The following ZNF532 variants were observed in gnomAD, a reference collection of about 807,000 sequenced individuals.
ZNF532 encodes zinc finger protein 532.
ZNF532 carries 22 observed loss-of-function variants against 89.3 expected under a neutral mutation model. The observed-to-expected ratio is 0.25, with a 90% CI of 0.18 to 0.35. The LOEUF is 0.35. Among genes scored for constraint, ZNF532 ranks in the 10% least tolerant of loss-of-function variants. ZNF532 has a pLI of 1.00. For missense variants in ZNF532, 1,132 were observed against 1,643.4 expected, an observed-to-expected ratio of 0.69 and a Z score of 5.38; for synonymous variants, 606 against 649.6, an observed-to-expected ratio of 0.93 and a Z score of 1.02.
At chr18:58,941,324 C>G (rs2063000548) in intron 5 of ZNF532, among the ~76,000 whole-genome samples, 1 of 151,970 alleles carries the variant, frequency 6.6e-6, no homozygotes, top group South Asian at 2.1e-4. Flanking sequence ...ATTTGATTGT[C>G]AGAAATGTGT....
At position 58,984,232 on chromosome 18, in the gene ZNF532, C is replaced by G. The variant is rs767553065; in HGVS notation, c.3672C>G (p.Ile1224Met). ...TCTCTCTGTCCAGGCACCTCTTCAT[C>G]GTACACAAGTTAAAGGAACCTCAGC... is the stretch of plus-strand genomic sequence containing the variant. The part of the protein sequence containing the change: ...SHVSLSRHLF[I>M]VHKLKEPQPV... Residue 1224 changes from isoleucine (I) to methionine (M), a missense_variant, in exon 10 of 10, where the codon ATC becomes ATG. Physicochemically the swap from Ile to Met is conservative, Grantham distance 10. Coordinates refer to ENST00000591808, the MANE Select transcript of ZNF532 (RefSeq NM_001375912.1). 8 of 1,611,962 alleles carry G rather than the reference C, an allele frequency of 5.0e-6. No individual in the cohort carries two copies. The highest frequency in any genetic ancestry group is 5.9e-6 in the Non-Finnish European group (7 of 1,179,830).
Position 58,918,398 on chromosome 18 carries a change from T to G in ZNF532, c.111T>G (p.His37Gln). Residue 37 changes from histidine (H) to glutamine (Q), a missense_variant, in exon 3 of 10, where the codon CAT (histidine) becomes CAG (glutamine). This residue lies in a region of ZNF532 where 302 missense variants were observed against 319.8 expected (regional missense o/e 0.94). Transcript: ENST00000591808. ...KAAIESGHDD[H>Q]ESHMKQNAHG... ...CTATTGAGTCTGGACACGATGACCA[T>G]GAAAGCCACATGAAGCAGAATGCTC... The G allele has an allele frequency of 6.2e-7, 1 of 1,614,174 alleles. No individual in the cohort carries two copies. The highest frequency in any genetic ancestry group is 8.5e-7 in the Non-Finnish European group (1 of 1,180,040).
chr18:58,919,947 G>A lies in ZNF532; in HGVS notation c.1660G>A (p.Ala554Thr). The change falls in exon 3 of 10, where the codon GCA becomes ACA. Residue 554 changes from alanine to threonine, a missense_variant. Physicochemically the swap from Ala to Thr is moderately conservative, Grantham distance 58. Coordinates refer to ENST00000591808, the MANE Select transcript of ZNF532 (RefSeq NM_001375912.1). The surrounding 1 kb of genome is among the most constrained non-coding windows in gnomAD (Gnocchi z 6.1). ...LTKPQQQIKQ[A>T]IINAAASQPP... is the part of the protein sequence containing the mutation. Reference sequence around the variant, plus strand: ...CAAACCTCAGCAACAAATAAAGCAGGCAATAATCAATGCAGCAGCCTCGCA... The same window carrying A: ...CAAACCTCAGCAACAAATAAAGCAGACAATAATCAATGCAGCAGCCTCGCA... 1 of 1,613,898 alleles carries A rather than the reference G, an allele frequency of 6.2e-7. No individual in the cohort carries two copies. Among genetic ancestry groups the A allele is most frequent in the Non-Finnish European group, 8.5e-7 (1 of 1,179,852 alleles).
At chr18:58,951,999 A>AC (rs2064257030) in intron 6 of ZNF532, among the ~76,000 whole-genome samples, 1 of 152,116 alleles carries the variant, frequency 6.6e-6, no homozygotes, top group Non-Finnish European at 1.5e-5. Flanking sequence ...GTTTGGGTAG[A>AC]CCTTGTGACT....
chr18:58,933,684 A>G (rs1457185851), intron 3 of ZNF532, among the ~76,000 whole-genome samples: 1 of 152,196 alleles, frequency 6.6e-6, no homozygotes, highest in Admixed American at 6.5e-5. Flanking sequence ...TTTAGTGCCT[A>G]TATCTTAAGA....
intron 3 of ZNF532, among the ~76,000 whole-genome samples, chr18:58,933,335 G>A (rs527435354): frequency 6.6e-6 from 1 of 152,134 alleles, no homozygotes; most frequent in South Asian, 2.1e-4. Flanking sequence ...ATTTTTCTTA[G>A]TCTAAGTCAC....
chr18:58,878,265 AAAAAC>A (rs1464364576), intron 2 of ZNF532, among the ~76,000 whole-genome samples: 1 of 128,404 alleles, frequency 7.8e-6, no homozygotes, highest in Non-Finnish European at 1.6e-5. Context: ...AAAAAACAAA[AAAAAC>A]AAAACGAAAA....
intron 2 of ZNF532, among the ~76,000 whole-genome samples, chr18:58,877,594 G>A (rs2057533571): frequency 6.6e-6 from 1 of 152,154 alleles, no homozygotes; most frequent in African/African-American, 2.4e-5. Context: ...CTGGACATCT[G>A]GGCACTGAGA....
chr18:58,944,640 C>T (rs1267911308), intron 5 of ZNF532, among the ~76,000 whole-genome samples: 1 of 152,074 alleles, frequency 6.6e-6, no homozygotes, highest in East Asian at 1.9e-4. Context: ...TGCCTGGTAG[C>T]CGGTCTCCCT....
intron 2 of ZNF532, among the ~76,000 whole-genome samples, chr18:58,888,753 ATAAAAT>A (rs1250360523): frequency 5.2e-4 from 21 of 40,288 alleles, no homozygotes; most frequent in African/African-American, 2.5e-3. Flanking sequence ...TTATATATAT[ATAAAAT>A]TAATATATAT....
In ZNF532 at chr18:58,888,853, AATT is replaced by A. The variant is rs1568248161; in HGVS notation, c.-18+23275_-18+23277del. ...TTATATATATAATTTATATATATAT[AATT>A]TATATATATATAATATATATTATAT... On this transcript the variant is annotated intron_variant, in intron 2 of 9. Transcript: ENST00000591808. 2.4e-4 allele frequency among the ~76,000 whole-genome samples: 10 copies of A among 42,348 alleles called. 1 individual carries two copies. The highest frequency in any genetic ancestry group is 1.3e-3 in the South Asian group (2 of 1,488). The allele number at this position is 42,348 out of a possible 152,430, so 27.8% of individuals were successfully genotyped here.
At chr18:58,963,637 GTGTGTGTGTATGTA>G (rs2065595271) in intron 7 of ZNF532, among the ~76,000 whole-genome samples, 1 of 140,476 alleles carries the variant, frequency 7.1e-6, no homozygotes, top group African/African-American at 2.7e-5. Flanking sequence ...GTGTGTGTGT[GTGTGTGTGTATGTA>G]TATAAATTTT....
At chr18:58,898,050 A>C (rs1300866774) in intron 2 of ZNF532, among the ~76,000 whole-genome samples, 1 of 152,244 alleles carries the variant, frequency 6.6e-6, no homozygotes, top group Non-Finnish European at 1.5e-5. Context: ...ATACATGTAC[A>C]TAGATCAAAA....
chr18:58,957,851 G>A (rs1232081404), intron 7 of ZNF532, among the ~76,000 whole-genome samples: 1 of 152,084 alleles, frequency 6.6e-6, no homozygotes, highest in Non-Finnish European at 1.5e-5. Context: ...ATCACTTGAG[G>A]TCAGGAGTTC....
At chr18:58,956,899 G>A (rs765883132) in intron 7 of ZNF532, among the ~76,000 whole-genome samples, 2 of 152,058 alleles carry the variant, frequency 1.3e-5, no homozygotes, top group Non-Finnish European at 2.9e-5. Context: ...ACTTTCTCTT[G>A]GGAAAATTCA....
chr18:58,914,724 A>AG (rs1291882260), intron 2 of ZNF532, among the ~76,000 whole-genome samples: 2 of 152,230 alleles, frequency 1.3e-5, no homozygotes, highest in Non-Finnish European at 2.9e-5. Context: ...TTGCCTTTGA[A>AG]GGGAGATGTA....
intron 2 of ZNF532, among the ~76,000 whole-genome samples, chr18:58,893,175 C>T (rs1322475074): frequency 1.3e-5 from 2 of 151,870 alleles, no homozygotes; most frequent in East Asian, 1.9e-4. Context: ...GGCGGGGTTT[C>T]ATGTGTTGGC....
At position 58,959,246 on chromosome 18, in the gene ZNF532, G is replaced by GTT. The variant is rs1183690837; in HGVS notation, c.3150+5452_3150+5453dup. ...TCAAAATGAACCTTAGATCTTTTCA[G>GTT]TTTTTTGTTTTTTGTTTTTTTTTGT... On this transcript the variant is annotated intron_variant, in intron 7 of 9. Coordinates refer to ENST00000591808, the MANE Select transcript of ZNF532 (RefSeq NM_001375912.1). Among the ~76,000 whole-genome samples, 13 of 115,442 alleles carry GTT rather than the reference G, an allele frequency of 1.1e-4. No individual in the cohort carries two copies. In the South Asian group the frequency reaches 2.7e-3, roughly 24 times the overall value. 75.7% of individuals were successfully genotyped at this position (115,442 alleles called of 152,430 possible). A position where few individuals can be genotyped will look rare whatever the true frequency, so the allele number is the denominator to read the frequency against.
upstream of ZNF532, chr18:58,864,331 G>C (rs1179923572): frequency 6.6e-6 from 1 of 151,874 alleles, no homozygotes; most frequent in Non-Finnish European, 1.5e-5. Flanking sequence ...GGCTGGGTGG[G>C]GTGGGGGTGA....
Sources: allele counts gnomAD v4.1 joint callset (sites outside exome capture counted in the v4.1 genomes callset), GRCh38; gene constraint gnomAD v4.1.1; regional missense constraint gnomAD v4.1.1; non-coding constraint Gnocchi (gnomAD v3.1); transcripts MANE v1.5; gene names NCBI Gene and HGNC (gene_info 2026-07-23, HGNC 2026-07-21).